The following GPC6 variants were observed in gnomAD, a reference collection of about 807,000 sequenced individuals.
The protein encoded by GPC6 is glypican 6.
Under a neutral mutation model 55.2 loss-of-function variants are expected in GPC6, and 14 were observed. The observed-to-expected ratio is 0.25, with a 90% CI of 0.17 to 0.40. GPC6 has a LOEUF of 0.40. Among genes scored for constraint, GPC6 ranks in the 10% least tolerant of loss-of-function variants. The probability of loss-of-function intolerance (pLI) is 1.00; values close to 1 mark genes in which losing one functional copy is unlikely to be tolerated. For missense variants in GPC6, 641 were observed against 708.5 expected (o/e 0.90, Z 1.08); for synonymous variants, 278 against 259.6 (o/e 1.07, Z -0.68).
At position 93,824,588 on chromosome 13, in the gene GPC6, C is replaced by CT. The variant is rs1041194703; in HGVS notation, c.320-5554dup. ...CTGGCAGAGCGATATTGATAGCCAA[C>CT]TTTTTTTTTTTTAAACAAAGGCACA... is the stretch of plus-strand genomic sequence containing the variant. On this transcript the variant is annotated intron_variant, in intron 2 of 8. Transcript: ENST00000377047. Among the ~76,000 whole-genome samples the CT allele has an allele frequency of 4.4e-3, 651 of 146,504 alleles. 4 individuals carry two copies. Among genetic ancestry groups the CT allele is most frequent in the Non-Finnish European group, 6.4e-3 (423 of 66,204 alleles).
chr13:93,743,863 G>C (rs999523849), intron 2 of GPC6, among the ~76,000 whole-genome samples: 17 of 152,114 alleles, frequency 1.1e-4, no homozygotes, highest in South Asian at 4.1e-4. Flanking sequence ...CTTCAATCCT[G>C]ATCAAACTGA....
chr13:94,120,222 G>C (rs913756166), intron 4 of GPC6, among the ~76,000 whole-genome samples: 3 of 152,052 alleles, frequency 2.0e-5, no homozygotes, highest in African/African-American at 7.2e-5. Context: ...CCACCAGACT[G>C]TAGAAGGATC....
chr13:94,377,264 C>G, intron 6 of GPC6, among the ~76,000 whole-genome samples: 1 of 144,162 alleles, frequency 6.9e-6, no homozygotes. Flanking sequence ...AGGCAACCTA[C>G]AAAATGGGAG....
In GPC6 at chr13:94,027,766, A is replaced by T. The variant is rs774008088; in HGVS notation, c.749A>T (p.Lys250Met). The T allele has an allele frequency of 2.0e-5, 32 of 1,614,064 alleles. No homozygotes were observed. The highest frequency in any genetic ancestry group is 2.6e-5 in the Non-Finnish European group (31 of 1,179,988). ...PTPGCIRALMKMLYCPYCRGL... is the reference protein window; with the variant it reads ...PTPGCIRALMMMLYCPYCRGL... ...CCAGGGTGTATCCGTGCCCTCATGA[A>T]GATGCTGTACTGCCCATACTGTCGG... Residue 250 changes from lysine (K) to methionine (M), a missense_variant, in exon 4 of 9, where the codon AAG (lysine) becomes ATG (methionine). Physicochemically the swap from Lys to Met is moderately conservative, Grantham distance 95 (BLOSUM62 -1). Transcript: ENST00000377047.
intron 3 of GPC6, among the ~76,000 whole-genome samples, chr13:93,834,998 G>T (rs1477173234): frequency 6.6e-6 from 1 of 152,166 alleles, no homozygotes; most frequent in Non-Finnish European, 1.5e-5. Flanking sequence ...CACTCTGAAG[G>T]CTTGTCAGAC....
intron 1 of GPC6, among the ~76,000 whole-genome samples, chr13:93,290,871 G>T (rs539492359): frequency 1.3e-5 from 2 of 152,104 alleles, no homozygotes; most frequent in East Asian, 3.9e-4. Flanking sequence ...AATATAAAAA[G>T]ACATGCATAA....
intron 1 of GPC6, among the ~76,000 whole-genome samples, chr13:93,294,866 G>T (rs948930993): frequency 1.3e-5 from 2 of 151,822 alleles, no homozygotes; most frequent in Admixed American, 1.3e-4. Context: ...ACATACATCA[G>T]CCATTTTAAA....
chr13:93,415,243 C>G (rs149139184), intron 1 of GPC6, among the ~76,000 whole-genome samples: 3 of 152,184 alleles, frequency 2.0e-5, no homozygotes, highest in African/African-American at 7.2e-5. Flanking sequence ...AATTAAAGCA[C>G]TAAGTTCAGT....
chr13:93,592,742 A>G (rs1305473155), intron 2 of GPC6, among the ~76,000 whole-genome samples: 2 of 152,106 alleles, frequency 1.3e-5, no homozygotes, highest in Non-Finnish European at 2.9e-5. Context: ...TGGGACCAGA[A>G]ATTCATATTT....
intron 1 of GPC6, among the ~76,000 whole-genome samples, chr13:93,304,745 G>C (rs1288249202): frequency 6.6e-6 from 1 of 152,190 alleles, no homozygotes; most frequent in Non-Finnish European, 1.5e-5. Context: ...CTAATGGGCA[G>C]AGTGAGAGTC....
chr13:93,573,343 T>C (rs899910866), intron 2 of GPC6, among the ~76,000 whole-genome samples: 2 of 152,104 alleles, frequency 1.3e-5, no homozygotes, highest in African/African-American at 4.8e-5. Context: ...TAAAGTCACA[T>C]GAGACAGGCC....
At chr13:93,974,682 TA>T (rs1880439318) in intron 3 of GPC6, among the ~76,000 whole-genome samples, 1 of 152,168 alleles carries the variant, frequency 6.6e-6, no homozygotes, top group Non-Finnish European at 1.5e-5. Context: ...TTTTACTCAG[TA>T]ATACATAACT....
At chr13:93,220,646 C>T in the GPC6 span, among the ~76,000 whole-genome samples, 145,407 of 152,236 alleles carry the variant, frequency 0.96, 69,784 homozygotes, top group East Asian at 1. Context: ...TGAAACTCTT[C>T]CTGCTATGCA....
intron 4 of GPC6, among the ~76,000 whole-genome samples, chr13:94,265,912 A>G (rs975255755): frequency 6.6e-6 from 1 of 152,208 alleles, no homozygotes; most frequent in Admixed American, 6.5e-5. Flanking sequence ...AAAACATATC[A>G]GCAGAATTGG....
intron 2 of GPC6, among the ~76,000 whole-genome samples, chr13:93,806,762 A>G (rs1440611071): frequency 6.6e-6 from 1 of 152,226 alleles, no homozygotes; most frequent in East Asian, 1.9e-4. Context: ...GCCAAATGAT[A>G]AAATATTAAT....
chr13:93,502,685 G>A (rs34267061), intron 1 of GPC6, among the ~76,000 whole-genome samples: 9 of 152,032 alleles, frequency 5.9e-5, no homozygotes, highest in South Asian at 2.1e-4. Flanking sequence ...ATGTTATAAC[G>A]TTTTTCTGTA....
intron 4 of GPC6, among the ~76,000 whole-genome samples, chr13:94,073,741 A>G (rs764310526): frequency 5.9e-5 from 9 of 152,218 alleles, no homozygotes; most frequent in Non-Finnish European, 1.3e-4. Flanking sequence ...ACCCTCTAGG[A>G]TAAGCCTTTA....
intron 3 of GPC6, among the ~76,000 whole-genome samples, chr13:93,966,545 CAGCCCA>C (rs1880051438): frequency 6.6e-6 from 1 of 152,116 alleles, no homozygotes; most frequent in South Asian, 2.1e-4. Context: ...AACTTTAGCC[CAGCCCA>C]AGTCACCAAC....
intron 3 of GPC6, among the ~76,000 whole-genome samples, chr13:93,940,396 G>A (rs979989286): frequency 1.3e-5 from 2 of 149,200 alleles, no homozygotes; most frequent in Admixed American, 6.8e-5. Flanking sequence ...ATGGACGGTT[G>A]GATGAATGGA....
Sources: allele counts gnomAD v4.1 joint callset (sites outside exome capture counted in the v4.1 genomes callset), GRCh38; gene constraint gnomAD v4.1.1; transcripts MANE v1.5; gene names NCBI Gene and HGNC (gene_info 2026-07-23, HGNC 2026-07-21).